The following SPTSSA variants were observed in gnomAD, a reference collection of about 807,000 sequenced individuals.
The protein encoded by SPTSSA is serine palmitoyltransferase small subunit A, also known as small subunit of serine palmitoyltransferase A.
In SPTSSA, 8 loss-of-function variants were observed where a neutral mutation model predicts 9.1. That is an observed-to-expected ratio of 0.88 (90% confidence interval 0.51 to 1.58). SPTSSA has a LOEUF of 1.58. SPTSSA is among the 40% of genes most tolerant of loss of function. The probability of loss-of-function intolerance (pLI) is 0.00; values close to 1 mark genes in which losing one functional copy is unlikely to be tolerated. For missense variants in SPTSSA, 100 were observed against 93.8 expected (o/e 1.07, Z -0.27); for synonymous variants, 42 against 37.7 (o/e 1.11, Z -0.41).
chr14:34,442,803 A>G (rs996628282), intron 1 of SPTSSA, among the ~76,000 whole-genome samples: 1 of 152,168 alleles, frequency 6.6e-6, no homozygotes, highest in Non-Finnish European at 1.5e-5. Context: ...TCAAAATGTC[A>G]TGGAGACTGC....
chr14:34,435,360 A>C, intron 1 of SPTSSA, 56 bp from the exon 2 acceptor site: 1 of 1,276,628 alleles, frequency 7.8e-7, no homozygotes, highest in Non-Finnish European at 1.1e-6. Context: ...CTAAATCTCC[A>C]CATGTCTTCA....
intron 1 of SPTSSA, among the ~76,000 whole-genome samples, chr14:34,443,177 A>T (rs1235471786): frequency 7.2e-5 from 2 of 27,602 alleles, no homozygotes; most frequent in African/African-American, 2.6e-4. Context: ...GTGTGTTTTG[A>T]GATTGAGTTT....
chr14:34,443,037 T>C (rs1883347486), intron 1 of SPTSSA, among the ~76,000 whole-genome samples: 1 of 145,812 alleles, frequency 6.9e-6, no homozygotes, highest in African/African-American at 2.6e-5. Flanking sequence ...TGTTTTGAGA[T>C]GGAGTTTTCC....
At chr14:34,449,628 G>A (rs923450601) in intron 1 of SPTSSA, among the ~76,000 whole-genome samples, 3 of 151,294 alleles carry the variant, frequency 2.0e-5, no homozygotes, top group African/African-American at 7.3e-5. Flanking sequence ...TCAGTCTCCC[G>A]AGTAGCTAGA....
intron 1 of SPTSSA, among the ~76,000 whole-genome samples, chr14:34,441,874 G>C (rs1192438776): frequency 6.6e-6 from 1 of 150,918 alleles, no homozygotes; most frequent in African/African-American, 2.4e-5. Flanking sequence ...TTCAGCGGCT[G>C]TTTTTTTGTT....
rs372932927 is a variant in SPTSSA at position 34,451,705 on chromosome 14, G to A, written c.112+10391C>T. 2.0e-4 allele frequency among the ~76,000 whole-genome samples: 27 copies of A among 132,412 alleles called. No individual in the cohort carries two copies. In the East Asian group the frequency reaches 2.4e-3, roughly 12 times the overall value. 86.9% of individuals were successfully genotyped at this position (132,412 alleles called of 152,430 possible). A position where few individuals can be genotyped will look rare whatever the true frequency, so the allele number is the denominator to read the frequency against. On this transcript the variant is annotated intron_variant, in intron 1 of 1. Coordinates refer to ENST00000298130, the MANE Select transcript of SPTSSA (RefSeq NM_138288.4). ...TGCACTCCTGCCTGGGCGACAGAACGAGACTCTGTTTCAAAAAAAAAAAAA... is the reference window on the plus strand; with the variant it reads ...TGCACTCCTGCCTGGGCGACAGAACAAGACTCTGTTTCAAAAAAAAAAAAA...
intron 1 of SPTSSA, among the ~76,000 whole-genome samples, chr14:34,445,233 G>A (rs923160148): frequency 6.6e-6 from 1 of 151,500 alleles, no homozygotes; most frequent in Non-Finnish European, 1.5e-5. Context: ...CCAGGCACAG[G>A]GGCTCATGCC....
intron 1 of SPTSSA, among the ~76,000 whole-genome samples, chr14:34,453,558 C>A (rs1772103961): frequency 6.6e-6 from 1 of 152,208 alleles, no homozygotes; most frequent in South Asian, 2.1e-4. Context: ...GAGCTGCCTG[C>A]CTGTCTGGGA....
In SPTSSA at chr14:34,435,122, T is replaced by C; in HGVS notation, c.*79A>G. On this transcript the variant is annotated 3_prime_UTR_variant, in exon 2 of 2. Coordinates refer to ENST00000298130, the MANE Select transcript of SPTSSA (RefSeq NM_138288.4). Reference sequence around the variant, plus strand: ...TTATGTTGACATCTAGAAGAGTTTCTTATCACATCTGATGGTCTCATTCCA... The same window carrying C: ...TTATGTTGACATCTAGAAGAGTTTCCTATCACATCTGATGGTCTCATTCCA... The C allele has an allele frequency of 1.8e-6, 2 of 1,094,186 alleles. No individual in the cohort carries two copies. The highest frequency in any genetic ancestry group is 2.7e-6 in the Non-Finnish European group (2 of 742,738). The allele number at this position is 1,094,186 out of a possible 1,614,324, so 67.8% of individuals were successfully genotyped here.
At chr14:34,455,886 C>T (rs1883611213) in intron 1 of SPTSSA, among the ~76,000 whole-genome samples, 1 of 151,446 alleles carries the variant, frequency 6.6e-6, no homozygotes, top group South Asian at 2.1e-4. Context: ...GAGCTGAGAT[C>T]ATGCCAGTGT....
rs1555314388 is a variant in SPTSSA, at chr14:34,443,198, G to GGGGT, written c.113-7895_113-7894insACCC. ...TTTGAGATTGAGTTTTCCTCTAGGG[G>GGGGT]GTGTGTGTGTGTGTGTGTGTGTGTG... On this transcript the variant is annotated intron_variant, in intron 1 of 1. Transcript: ENST00000298130. Among the ~76,000 whole-genome samples, 7 of 11,480 alleles carry GGGGT rather than the reference G, an allele frequency of 6.1e-4. 1 individual carries two copies. In the East Asian group the frequency reaches 8.8e-3, roughly 14 times the overall value. 7.5% of individuals were successfully genotyped at this position (11,480 alleles called of 152,430 possible).
At chr14:34,454,084 G>T (rs1359806049) in intron 1 of SPTSSA, among the ~76,000 whole-genome samples, 1 of 152,126 alleles carries the variant, frequency 6.6e-6, no homozygotes, top group Non-Finnish European at 1.5e-5. Flanking sequence ...GGAAGCTGAG[G>T]CGGGAAGATC....
At chr14:34,457,297 T>C (rs1239819796) in intron 1 of SPTSSA, among the ~76,000 whole-genome samples, 1 of 139,338 alleles carries the variant, frequency 7.2e-6, no homozygotes, top group African/African-American at 3.1e-5. Context: ...TCAACAGGAA[T>C]GGTTACAACG....
At chr14:34,438,300 T>A (rs985968654) in intron 1 of SPTSSA, among the ~76,000 whole-genome samples, 18 of 152,234 alleles carry the variant, frequency 1.2e-4, no homozygotes, top group African/African-American at 3.4e-4. Context: ...ATTTTTTTTT[T>A]AAATTTAGAA....
chr14:34,457,989 AAC>A (rs1295922812), intron 1 of SPTSSA, among the ~76,000 whole-genome samples: 13,480 of 137,686 alleles, frequency 0.098, 571 homozygotes, highest in East Asian at 0.18. Flanking sequence ...AAAAAAAAAA[AAC>A]AAAGAAAAGA....
At chr14:34,452,779 A>G (rs1883551403) in intron 1 of SPTSSA, among the ~76,000 whole-genome samples, 1 of 152,228 alleles carries the variant, frequency 6.6e-6, no homozygotes, top group South Asian at 2.1e-4. Context: ...GCTCTGAATT[A>G]TAATCTGTTC....
intron 1 of SPTSSA, among the ~76,000 whole-genome samples, chr14:34,436,300 A>G (rs1883240280): frequency 6.6e-6 from 1 of 152,224 alleles, no homozygotes; most frequent in Non-Finnish European, 1.5e-5. Flanking sequence ...AACTGTATAT[A>G]TGGAAGTCAA....
chr14:34,462,086 G>A lies in SPTSSA; in HGVS notation c.112+10C>T. 6.9e-7 allele frequency: 1 copy of A among 1,457,900 alleles called. No individual in the cohort carries two copies. Among genetic ancestry groups the A allele is most frequent in the Non-Finnish European group, 9.1e-7 (1 of 1,093,508 alleles). The allele number at this position is 1,457,900 out of a possible 1,614,324, so 90.3% of individuals were successfully genotyped here. ...GCCCGGCCCCCGCGCGCGCGGCCGG[G>A]ACAGGATACTGAACACCGTCCGCTC... On this transcript the variant is annotated intron_variant, in intron 1 of 1. Transcript: ENST00000298130.
At chr14:34,436,113 A>C (rs1883237791) in intron 1 of SPTSSA, among the ~76,000 whole-genome samples, 1 of 152,236 alleles carries the variant, frequency 6.6e-6, no homozygotes, top group Non-Finnish European at 1.5e-5. Flanking sequence ...AGACAAAGCT[A>C]AAATCAATCA....
Sources: allele counts gnomAD v4.1 joint callset (sites outside exome capture counted in the v4.1 genomes callset), GRCh38; gene constraint gnomAD v4.1.1; transcripts MANE v1.5; gene names NCBI Gene and HGNC (gene_info 2026-07-23, HGNC 2026-07-21).